Variants in LYPLAL1 observed in about 807,000 individuals in gnomAD.
LYPLAL1 encodes lysophospholipase like 1, also known as lysophospholipase-like protein 1.
A neutral mutation model predicts 19.7 loss-of-function variants in LYPLAL1; 23 were observed. The ratio of observed to expected loss-of-function variants is 1.17; its 90% confidence interval spans 0.84 to 1.65. The LOEUF (loss-of-function observed/expected upper bound fraction) is 1.65, where lower values mean the gene tolerates loss of function less well. LYPLAL1 is among the 40% of genes most tolerant of loss of function. The pLI, the probability that LYPLAL1 is intolerant of heterozygous loss-of-function variation, is 0.00. For synonymous variants in LYPLAL1, 119 were observed against 96.3 expected (o/e 1.24, Z -1.38); for missense variants, 355 against 279.4 (o/e 1.27, Z -1.93).
the LYPLAL1 span, among the ~76,000 whole-genome samples, chr1:219,394,646 T>C: frequency 7.2e-5 from 11 of 152,342 alleles, no homozygotes; most frequent in East Asian, 2.1e-3. Context: ...AGCTTTTATT[T>C]TAAGTCCAGG....
chr1:219,405,925 G>A, the LYPLAL1 span, among the ~76,000 whole-genome samples: 1 of 152,296 alleles, frequency 6.6e-6, no homozygotes, highest in African/African-American at 2.4e-5. Flanking sequence ...AGTCAGAGGT[G>A]TTTGGTATAC....
the LYPLAL1 span, among the ~76,000 whole-genome samples, chr1:219,443,692 A>G: frequency 1.3e-5 from 2 of 151,622 alleles, no homozygotes. Flanking sequence ...AAAAATCACC[A>G]AACTTCTAAA....
rs1184240274 is a variant in LYPLAL1, at chr1:219,211,482, T to G, written c.478-10T>G. On this transcript the variant is annotated splice_polypyrimidine_tract_variant and intron_variant, in intron 4 of 4. Transcript: ENST00000366928. ...CTTAAACTTTTCTGTCTTTGTATCT[T>G]CTTCTCTAGGCTCTTCAGAAGAGTA... is the stretch of plus-strand genomic sequence containing the variant. 6.6e-7 allele frequency: 1 copy of G among 1,509,850 alleles called. No individual in the cohort carries two copies. The highest frequency in any genetic ancestry group is 2.0e-5 in the Admixed American group (1 of 50,542). 93.5% of individuals were successfully genotyped at this position (1,509,850 alleles called of 1,614,324 possible).
At chr1:219,366,000 A>T in the LYPLAL1 span, among the ~76,000 whole-genome samples, 1 of 152,184 alleles carries the variant, frequency 6.6e-6, no homozygotes, top group Non-Finnish European at 1.5e-5. Flanking sequence ...GATTTTGTGT[A>T]TTGGACCTTA....
the LYPLAL1 span, among the ~76,000 whole-genome samples, chr1:219,382,587 C>A: frequency 6.6e-6 from 1 of 152,160 alleles, no homozygotes; most frequent in African/African-American, 2.4e-5. Context: ...CGGTCTCGAT[C>A]TCCTGACCTC....
chr1:219,429,599 G>A, the LYPLAL1 span, among the ~76,000 whole-genome samples: 1 of 152,150 alleles, frequency 6.6e-6, no homozygotes, highest in Admixed American at 6.5e-5. Context: ...TGAGGATGTG[G>A]TGAGCTATGA....
At chr1:219,439,305 C>T in the LYPLAL1 span, among the ~76,000 whole-genome samples, 1 of 152,108 alleles carries the variant, frequency 6.6e-6, no homozygotes, top group Non-Finnish European at 1.5e-5. Context: ...TCTTGGTAAC[C>T]TCCCCCACTA....
chr1:219,415,979 A>C, the LYPLAL1 span, among the ~76,000 whole-genome samples: 1 of 152,130 alleles, frequency 6.6e-6, no homozygotes, highest in African/African-American at 2.4e-5. Flanking sequence ...TGACAGGTGA[A>C]TTTTGCTCTG....
chr1:219,332,473 G>A, the LYPLAL1 span, among the ~76,000 whole-genome samples: 17 of 152,052 alleles, frequency 1.1e-4, no homozygotes, highest in African/African-American at 3.9e-4. Context: ...ACAGAATTCT[G>A]AAAAATAATG....
the LYPLAL1 span, among the ~76,000 whole-genome samples, chr1:219,326,599 C>T: frequency 1.3e-5 from 2 of 152,146 alleles, no homozygotes; most frequent in Non-Finnish European, 2.9e-5. Context: ...ATTCCTTCTA[C>T]CTATTTGATT....
At chr1:219,268,191 C>T in the LYPLAL1 span, among the ~76,000 whole-genome samples, 12 of 150,516 alleles carry the variant, frequency 8.0e-5, no homozygotes, top group South Asian at 2.1e-4. Flanking sequence ...TAAGTAAGTA[C>T]ATTATGCATT....
At chr1:219,344,064 A>T in the LYPLAL1 span, among the ~76,000 whole-genome samples, 3 of 152,084 alleles carry the variant, frequency 2.0e-5, no homozygotes, top group African/African-American at 7.2e-5. Flanking sequence ...GGGCTTGTGG[A>T]TCCTGAGAAA....
chr1:219,184,154 C>G (rs1000870971), intron 2 of LYPLAL1, among the ~76,000 whole-genome samples: 32 of 151,842 alleles, frequency 2.1e-4, no homozygotes, highest in African/African-American at 7.7e-4. Context: ...AAAATAGATG[C>G]CTTCTAATAC....
At chr1:219,350,858 G>C in the LYPLAL1 span, among the ~76,000 whole-genome samples, 1 of 152,170 alleles carries the variant, frequency 6.6e-6, no homozygotes, top group Non-Finnish European at 1.5e-5. Flanking sequence ...TCAGCTAAGT[G>C]GGGTGAAAGG....
the LYPLAL1 span, among the ~76,000 whole-genome samples, chr1:219,246,406 A>G: frequency 1.3e-5 from 2 of 152,146 alleles, no homozygotes; most frequent in African/African-American, 2.4e-5. Flanking sequence ...TGACATTTCT[A>G]TCTTTATCTA....
chr1:219,224,210 A>G, the LYPLAL1 span, among the ~76,000 whole-genome samples: 7 of 152,226 alleles, frequency 4.6e-5, no homozygotes, highest in Non-Finnish European at 7.4e-5. Context: ...AAGTGTTAAA[A>G]ATGAAAGTTC....
At chr1:219,425,261 T>C in the LYPLAL1 span, among the ~76,000 whole-genome samples, 4 of 152,132 alleles carry the variant, frequency 2.6e-5, no homozygotes, top group Non-Finnish European at 4.4e-5. Context: ...TAACATCACC[T>C]TGGGAATGAG....
the LYPLAL1 span, among the ~76,000 whole-genome samples, chr1:219,364,909 G>A: frequency 0.068 from 10,358 of 152,116 alleles, 501 homozygotes; most frequent in South Asian, 0.14. Context: ...CACCTGATAG[G>A]TCAGAAGATT....
At chr1:219,310,667 G>T in the LYPLAL1 span, among the ~76,000 whole-genome samples, 1 of 152,148 alleles carries the variant, frequency 6.6e-6, no homozygotes, top group Admixed American at 6.5e-5. Flanking sequence ...TGAAATAATG[G>T]CAGTCTTGAG....
Sources: gnomAD v4.1 joint callset for allele counts (sites outside exome capture counted in the v4.1 genomes callset) on GRCh38, gnomAD v4.1.1 for gene constraint, MANE v1.5 for transcripts, NCBI Gene and HGNC (gene_info 2026-07-23, HGNC 2026-07-21) for gene names.